The following C8orf34 variants were observed in gnomAD, a reference collection of about 807,000 sequenced individuals.
C8orf34 encodes uncharacterized protein C8orf34.
A neutral mutation model predicts 68.3 loss-of-function variants in C8orf34; 65 were observed. That is an observed-to-expected ratio of 0.95 (90% CI 0.78 to 1.17). The LOEUF (loss-of-function observed/expected upper bound fraction) is 1.17, where lower values mean the gene tolerates loss of function less well. Ranked by LOEUF, C8orf34 falls within the 50% of genes most tolerant of loss-of-function variation. The probability of loss-of-function intolerance (pLI) is 0.00; values close to 1 mark genes in which losing one functional copy is unlikely to be tolerated. For synonymous variants in C8orf34, 244 were observed against 241.2 expected, an observed-to-expected ratio of 1.01 and a Z score of -0.11; for missense variants, 664 against 655.4, an observed-to-expected ratio of 1.01 and a Z score of -0.14.
chr8:68,762,862 C>T (rs1823059036), intron 10 of C8orf34, among the ~76,000 whole-genome samples: 1 of 152,092 alleles, frequency 6.6e-6, no homozygotes. Context: ...TTCTAGTCCC[C>T]AAAGGGGCAA....
At chr8:68,519,352 T>C (rs1814652500) in intron 5 of C8orf34, among the ~76,000 whole-genome samples, 1 of 152,240 alleles carries the variant, frequency 6.6e-6, no homozygotes, top group South Asian at 2.1e-4. Flanking sequence ...CGTATACATA[T>C]GTGTGTATAT....
intron 4 of C8orf34, among the ~76,000 whole-genome samples, chr8:68,486,615 G>T (rs1452133932): frequency 6.6e-6 from 1 of 152,086 alleles, no homozygotes; most frequent in East Asian, 1.9e-4. Flanking sequence ...TTTCAGCTTT[G>T]TGTATAATTG....
At chr8:68,607,744 T>C (rs1307445801) in intron 7 of C8orf34, among the ~76,000 whole-genome samples, 1 of 152,138 alleles carries the variant, frequency 6.6e-6, no homozygotes. Context: ...AAATCTGGAA[T>C]CTGGAGAAAT....
intron 8 of C8orf34, among the ~76,000 whole-genome samples, chr8:68,697,414 A>G (rs1398802948): frequency 6.6e-6 from 1 of 152,048 alleles, no homozygotes; most frequent in Non-Finnish European, 1.5e-5. Context: ...TTGCAGTTTA[A>G]TATTGCTAAA....
At chr8:68,357,964 C>G (rs918142778) in intron 1 of C8orf34, among the ~76,000 whole-genome samples, 1 of 152,106 alleles carries the variant, frequency 6.6e-6, no homozygotes, top group South Asian at 2.1e-4. Flanking sequence ...GGCATTTATA[C>G]CCCCATTCTT....
At chr8:68,616,595 C>T (rs1211139259) in intron 7 of C8orf34, among the ~76,000 whole-genome samples, 1 of 152,056 alleles carries the variant, frequency 6.6e-6, no homozygotes, top group Non-Finnish European at 1.5e-5. Flanking sequence ...TGTAGTTGAG[C>T]AGTTTTGAGT....
intron 7 of C8orf34, among the ~76,000 whole-genome samples, chr8:68,577,092 G>T (rs2130315882): frequency 6.6e-6 from 1 of 151,986 alleles, no homozygotes; most frequent in Admixed American, 6.6e-5. Flanking sequence ...ATATCTTCAG[G>T]ACGTTTATTA....
In C8orf34 at chr8:68,676,066, G is replaced by T. The variant is rs115507124; in HGVS notation, c.1242-32928G>T. Among the ~76,000 whole-genome samples the T allele has an allele frequency of 4.2e-3, 639 of 152,242 alleles. 6 individuals carry two copies. Among genetic ancestry groups the T allele is most frequent in the African/African-American group, 0.014 (584 of 41,534 alleles). On this transcript the variant is annotated intron_variant, in intron 8 of 13. Transcript: ENST00000518698. Reference sequence around the variant, plus strand: ...TAAATATGCACGCACCTGGCATGGCGGAGCATGCATATAATCCCGGAACTT... The same window carrying T: ...TAAATATGCACGCACCTGGCATGGCTGAGCATGCATATAATCCCGGAACTT...
At chr8:68,549,964 T>A (rs958552723) in intron 7 of C8orf34, among the ~76,000 whole-genome samples, 8 of 151,804 alleles carry the variant, frequency 5.3e-5, no homozygotes, top group Admixed American at 3.9e-4. Context: ...CTCTATCCAT[T>A]TAATTTAGTC....
At chr8:68,478,587 A>G (rs1367480208) in intron 4 of C8orf34, among the ~76,000 whole-genome samples, 1 of 152,340 alleles carries the variant, frequency 6.6e-6, no homozygotes, top group South Asian at 2.1e-4. Flanking sequence ...TGCTATAAAG[A>G]AATGCCTGAG....
chr8:68,580,658 A>G (rs1482088844), intron 7 of C8orf34, among the ~76,000 whole-genome samples: 3 of 152,192 alleles, frequency 2.0e-5, no homozygotes, highest in African/African-American at 7.2e-5. Flanking sequence ...ATCAATGCCT[A>G]TTACTAATCA....
At chr8:68,443,645 A>T (rs1316928499) in intron 2 of C8orf34, among the ~76,000 whole-genome samples, 1 of 151,590 alleles carries the variant, frequency 6.6e-6, no homozygotes, top group African/African-American at 2.4e-5. Flanking sequence ...TGACCTCGTG[A>T]TCTGCCCACC....
chr8:68,712,480 G>A (rs766440397), intron 9 of C8orf34, among the ~76,000 whole-genome samples: 3 of 152,078 alleles, frequency 2.0e-5, no homozygotes, highest in Non-Finnish European at 2.9e-5. Flanking sequence ...TAAACTTAAG[G>A]TAAAGGGGTA....
At chr8:68,622,580 G>A (rs1450542991) in intron 7 of C8orf34, among the ~76,000 whole-genome samples, 2 of 152,168 alleles carry the variant, frequency 1.3e-5, no homozygotes, top group East Asian at 3.9e-4. Flanking sequence ...AATAGCAAAG[G>A]CATTGCAGTA....
At chr8:68,755,603 G>C (rs1455442291) in intron 10 of C8orf34, among the ~76,000 whole-genome samples, 2 of 152,138 alleles carry the variant, frequency 1.3e-5, no homozygotes, top group Non-Finnish European at 2.9e-5. Flanking sequence ...TTGACACCAG[G>C]TCACATGGTG....
At chr8:68,467,031 C>A (rs1488850990) in intron 3 of C8orf34, among the ~76,000 whole-genome samples, 1 of 151,788 alleles carries the variant, frequency 6.6e-6, no homozygotes, top group African/African-American at 2.4e-5. Flanking sequence ...CGGCTCCTAA[C>A]CTGCAATCAC....
intron 7 of C8orf34, among the ~76,000 whole-genome samples, chr8:68,561,737 G>A (rs781032131): frequency 5.3e-5 from 8 of 152,076 alleles, no homozygotes; most frequent in African/African-American, 1.2e-4. Context: ...CAGCCTGGAC[G>A]ACAGGGCAAG....
chr8:68,527,389 G>A (rs534462838), intron 6 of C8orf34, among the ~76,000 whole-genome samples: 1 of 152,196 alleles, frequency 6.6e-6, no homozygotes, highest in African/African-American at 2.4e-5. Context: ...TGGCTAACAC[G>A]GTGAAACCCC....
intron 1 of C8orf34, among the ~76,000 whole-genome samples, chr8:68,434,714 C>T (rs111355055): frequency 0.016 from 2,405 of 152,124 alleles, 31 homozygotes; most frequent in Non-Finnish European, 0.021. Flanking sequence ...GTAGTATACT[C>T]ATGAAGTTAA....
Sources: allele counts gnomAD v4.1 joint callset (sites outside exome capture counted in the v4.1 genomes callset), GRCh38; gene constraint gnomAD v4.1.1; transcripts MANE v1.5; gene names NCBI Gene and HGNC (gene_info 2026-07-23, HGNC 2026-07-21).